The following MAZ variants were observed in gnomAD, a reference collection of about 807,000 sequenced individuals.
MAZ encodes the protein MYC associated zinc finger protein.
Under a neutral mutation model 32.7 loss-of-function variants are expected in MAZ, and 4 were observed. The observed-to-expected ratio is 0.12, with a 90% confidence interval of 0.06 to 0.28. The LOEUF (loss-of-function observed/expected upper bound fraction) is 0.28. Among genes scored for constraint, MAZ ranks in the 10% least tolerant of loss-of-function variants. The pLI is 1.00. For missense variants in MAZ, 763 were observed against 667.2 expected, an observed-to-expected ratio of 1.14 and a Z score of -1.58; for synonymous variants, 510 against 297.6, an observed-to-expected ratio of 1.71 and a Z score of -7.35.
intron 2 of MAZ, 32 bp downstream of exon 2, chr16:29,807,860 C>T: frequency 6.3e-7 from 1 of 1,590,736 alleles, no homozygotes; most frequent in Non-Finnish European, 8.5e-7. Flanking sequence ...CCCGCTAGGC[C>T]GTGGGGAGGG....
At chr16:29,808,140 C>T (rs1899652566) in intron 2 of MAZ, 90 bp from the exon 3 acceptor site, 4 of 1,204,504 alleles carry the variant, frequency 3.3e-6, no homozygotes, top group Admixed American at 1.8e-5. Context: ...CGGGAGGAGG[C>T]GCAGGGATCC....
At chr16:29,807,917 C>G (rs767054055) in intron 2 of MAZ, 89 bp downstream of exon 2, 1 of 1,535,472 alleles carries the variant, frequency 6.5e-7, no homozygotes, top group African/African-American at 1.4e-5. Context: ...GGGAGGGAGG[C>G]GGCTGCTGAG....
chr16:29,807,851 C>A, intron 2 of MAZ, 23 bp downstream of exon 2: 1 of 1,594,068 alleles, frequency 6.3e-7, no homozygotes. Flanking sequence ...CCTCGGCCGC[C>A]CGCTAGGCCG....
At chr16:29,808,409 A>G (rs1899680182) in intron 3 of MAZ, 116 bp downstream of exon 3, 2 of 1,133,754 alleles carry the variant, frequency 1.8e-6, no homozygotes, top group Non-Finnish European at 2.6e-6. Context: ...TTTTTGCTCC[A>G]TTTTCTCATC....
At chr16:29,809,112 C>T (rs1333099255) in intron 4 of MAZ, 4 of 514,688 alleles carry the variant, frequency 7.8e-6, no homozygotes, top group East Asian at 6.6e-5. Flanking sequence ...AGTACACGGG[C>T]CGGGCTTTAC....
At chr16:29,807,973 C>A in intron 2 of MAZ, 145 bp downstream of exon 2, 2 of 1,414,120 alleles carry the variant, frequency 1.4e-6, no homozygotes, top group African/African-American at 1.4e-5. Context: ...GGAAGCCTCT[C>A]CCGGTTACCA....
At position 29,807,652 on chromosome 16, in the gene MAZ, C is replaced by T. The variant is rs368058091; in HGVS notation, c.867C>T (p.Arg289=). The change falls in exon 2 of 5, where the codon CGC becomes CGT. Residue 289 remains arginine, a synonymous_variant. Transcript: ENST00000322945. Reference sequence around the variant, plus strand: ...GCGAGATGTGTGGCAAGGCCTTCCGCGACGTCTACCACCTGAACCGACACA... The same window carrying T: ...GCGAGATGTGTGGCAAGGCCTTCCGTGACGTCTACCACCTGAACCGACACA... The part of the protein sequence containing the change: ...HACEMCGKAF[R]DVYHLNRHKL... 6.8e-6 allele frequency: 11 copies of T among 1,612,714 alleles called. No homozygotes were observed. Among genetic ancestry groups the T allele is most frequent in the African/African-American group, 1.3e-5 (1 of 74,920 alleles).
Position 29,810,403 on chromosome 16 carries a change from G to C in MAZ, c.*172G>C, listed in dbSNP as rs1899874241. ...GGAATTCGCTAGGTTTTAACGATTT[G>C]TTTCTCCTGCTCCTCTTCTGTCAGA... On this transcript the variant is annotated 3_prime_UTR_variant, in exon 5 of 5. Transcript: ENST00000322945. 7.7e-6 allele frequency: 6 copies of C among 779,368 alleles called. No individual in the cohort carries two copies. The highest frequency in any genetic ancestry group is 2.2e-6 in the Non-Finnish European group (1 of 455,106). The allele number at this position is 779,368 out of a possible 1,614,324, so 48.3% of individuals were successfully genotyped here.
At chr16:29,809,889 TC>T in intron 4 of MAZ, 187 bp from the exon 5 acceptor site, 1 of 1,114,322 alleles carries the variant, frequency 9.0e-7, no homozygotes, top group Non-Finnish European at 1.3e-6. Context: ...TAGGGAGACT[TC>T]TGGGCACAGG....
At position 29,807,036 on chromosome 16, in the gene MAZ, A is replaced by G; in HGVS notation, c.251A>G (p.Asp84Gly). ...QAPAAEPLQV[D>G]LLPVLAAAQE... Reference sequence around the variant, plus strand: ...CCGGCGGCCGAGCCCCTCCAGGTGGACTTGCTCCCGGTGCTCGCCGCCGCC... The same window carrying G: ...CCGGCGGCCGAGCCCCTCCAGGTGGGCTTGCTCCCGGTGCTCGCCGCCGCC... The change falls in exon 2 of 5, where the codon GAC becomes GGC. Residue 84 changes from aspartate to glycine, a missense_variant. By Grantham distance (94) the Asp-to-Gly change is moderately conservative. Transcript: ENST00000322945. 2 of 1,004,244 alleles carry G rather than the reference A, an allele frequency of 2.0e-6. No individual in the cohort carries two copies. Among genetic ancestry groups the G allele is most frequent in the Non-Finnish European group, 1.2e-6 (1 of 846,484 alleles). 62.2% of individuals were successfully genotyped at this position (1,004,244 alleles called of 1,614,324 possible).
chr16:29,807,318 C>A lies in MAZ; in HGVS notation c.533C>A (p.Ser178Tyr). ...ACGGTCGCCGTGGCCCCGGTCGCGT[C>A]TGCCTTGGAGAAGAAGACAAAGAGC... Reference protein sequence around the residue: ...TSTVAVAPVASALEKKTKSKG... With the variant: ...TSTVAVAPVAYALEKKTKSKG... Residue 178 changes from serine to tyrosine, a missense_variant, in exon 2 of 5, where the codon TCT becomes TAT. Ser to Tyr is a moderately radical substitution (Grantham distance 144). Coordinates refer to ENST00000322945, the MANE Select transcript of MAZ (RefSeq NM_002383.4). The A allele has an allele frequency of 1.2e-6, 2 of 1,603,376 alleles. No individual in the cohort carries two copies. The highest frequency in any genetic ancestry group is 1.7e-6 in the Non-Finnish European group (2 of 1,175,960).
Position 29,806,759 on chromosome 16 carries a change from G to C in MAZ, c.58G>C (p.Asp20His), listed in dbSNP as rs373977511. 1.4e-6 allele frequency: 2 copies of C among 1,430,910 alleles called. No homozygotes were observed. The highest frequency in any genetic ancestry group is 1.8e-6 in the Non-Finnish European group (2 of 1,083,004). The allele number at this position is 1,430,910 out of a possible 1,614,324, so 88.6% of individuals were successfully genotyped here. A position where few individuals can be genotyped will look rare whatever the true frequency, so the allele number is the denominator to read the frequency against. ...CCCCCCCTTCCCCGTGCTGGGCCTG[G>C]ACTCCCGGGGGGTGGGCGGCCTCAT... Reference protein sequence around the residue: ...LAPPFPVLGLDSRGVGGLMNS... With the variant: ...LAPPFPVLGLHSRGVGGLMNS... Residue 20 changes from aspartate to histidine, a missense_variant, in exon 1 of 5, where the codon GAC (aspartate) becomes CAC (histidine). Transcript: ENST00000322945.
Position 29,807,256 on chromosome 16 carries a change from C to CGCG in MAZ, c.480_482dup (p.Ala161dup). The CGCG allele has an allele frequency of 2.8e-6, 4 of 1,441,676 alleles. No homozygotes were observed. The highest frequency in any genetic ancestry group is 3.0e-5 in the East Asian group (1 of 32,998). The allele number at this position is 1,441,676 out of a possible 1,614,324, so 89.3% of individuals were successfully genotyped here. On this transcript the variant is annotated inframe_insertion, in exon 2 of 5. Coordinates refer to ENST00000322945, the MANE Select transcript of MAZ (RefSeq NM_002383.4). ...CCCCCGCCTCCGCCGCCACTATCGC[C>CGCG]GCGGCGGCGGCCACCGCCGTCGTAG...
chr16:29,806,740 C>G lies in MAZ; in HGVS notation c.39C>G (p.Pro13=), dbSNP rs748756942. 1.1e-5 allele frequency: 15 copies of G among 1,395,546 alleles called. No homozygotes were observed. Among genetic ancestry groups the G allele is most frequent in the Non-Finnish European group, 1.3e-5 (14 of 1,058,830 alleles). 86.4% of individuals were successfully genotyped at this position (1,395,546 alleles called of 1,614,324 possible). A position where few individuals can be genotyped will look rare whatever the true frequency, so the allele number is the denominator to read the frequency against. ...TTCCTTGCACGCTGCTGGCCCCCCC[C>G]TTCCCCGTGCTGGGCCTGGACTCCC... ...PVFPCTLLAP[P]FPVLGLDSRG... Residue 13 remains proline, a synonymous_variant, in exon 1 of 5, where the codon CCC becomes CCG. Coordinates refer to ENST00000322945, the MANE Select transcript of MAZ (RefSeq NM_002383.4).
chr16:29,807,384 A>G lies in MAZ; in HGVS notation c.599A>G (p.Lys200Arg). 3 of 1,612,424 alleles carry G rather than the reference A, an allele frequency of 1.9e-6. No homozygotes were observed. Among genetic ancestry groups the G allele is most frequent in the Non-Finnish European group, 2.5e-6 (3 of 1,179,748 alleles). Reference protein sequence around the residue: ...YICALCAKEFKNGYNLRRHEA... With the variant: ...YICALCAKEFRNGYNLRRHEA... ...TGCGCTCTGTGCGCCAAGGAGTTCAAGAACGGCTACAATCTCCGGAGGCAC... is the reference window on the plus strand; with the variant it reads ...TGCGCTCTGTGCGCCAAGGAGTTCAGGAACGGCTACAATCTCCGGAGGCAC... The change falls in exon 2 of 5, where the codon AAG (lysine) becomes AGG (arginine). Residue 200 changes from lysine to arginine, a missense_variant. Coordinates refer to ENST00000322945, the MANE Select transcript of MAZ (RefSeq NM_002383.4).
chr16:29,808,667 G>C lies in MAZ; in HGVS notation c.1205G>C (p.Ser402Thr), dbSNP rs1345820262. 2 of 1,613,892 alleles carry C rather than the reference G, an allele frequency of 1.2e-6. No homozygotes were observed. Among genetic ancestry groups the C allele is most frequent in the Non-Finnish European group, 1.7e-6 (2 of 1,180,020 alleles). Residue 402 changes from serine (S) to threonine (T), a missense_variant, in exon 4 of 5, where the codon AGC becomes ACC. Ser to Thr is a moderately conservative substitution (Grantham distance 58). Transcript: ENST00000322945. ...TGTCACGTGTGTGGCAAGATGCTGA[G>C]CTCGGCTTATATTTCGGACCACATG... ...VPCHVCGKML[S>T]SAYISDHMKV...
At position 29,810,278 on chromosome 16, in the gene MAZ, T is replaced by C; in HGVS notation, c.*47T>C. 6.5e-7 allele frequency: 1 copy of C among 1,529,160 alleles called. No homozygotes were observed. The highest frequency in any genetic ancestry group is 8.9e-7 in the Non-Finnish European group (1 of 1,127,644). The allele number at this position is 1,529,160 out of a possible 1,614,324, so 94.7% of individuals were successfully genotyped here. ...AGAGGGGAGAATGGAGTAGAGTCCC[T>C]TGGTACAAGCTCCTCTCCCCCCTCT... is the stretch of plus-strand genomic sequence containing the variant. On this transcript the variant is annotated 3_prime_UTR_variant, in exon 5 of 5. Coordinates refer to ENST00000322945, the MANE Select transcript of MAZ (RefSeq NM_002383.4).
intron 3 of MAZ, 29 bp downstream of exon 3, chr16:29,808,322 T>A: frequency 6.2e-7 from 1 of 1,601,524 alleles, no homozygotes; most frequent in Non-Finnish European, 8.6e-7. Context: ...CCTGTCTTGG[T>A]TTTCATGATT....
chr16:29,808,623 A>G lies in MAZ; in HGVS notation c.1161A>G (p.Arg387=). The G allele has an allele frequency of 6.2e-7, 1 of 1,613,330 alleles. No homozygotes were observed. The highest frequency in any genetic ancestry group is 8.5e-7 in the Non-Finnish European group (1 of 1,179,926). The change falls in exon 4 of 5, where the codon CGA becomes CGG. Residue 387 remains arginine, a synonymous_variant. Coordinates refer to ENST00000322945, the MANE Select transcript of MAZ (RefSeq NM_002383.4). ...ATCGGCTGCGGGCGCACACAGTACG[A>G]CACGAGGAGAAAGTGCCATGTCACG... is the stretch of plus-strand genomic sequence containing the variant. The part of the protein sequence containing the change: ...TKDRLRAHTV[R]HEEKVPCHVC...
Sources: allele counts gnomAD v4.1 joint callset, GRCh38; gene constraint gnomAD v4.1.1; transcripts MANE v1.5; gene names NCBI Gene and HGNC (gene_info 2026-07-23, HGNC 2026-07-21).